The following SUSD6 variants were observed in gnomAD, a reference collection of about 807,000 sequenced individuals.
SUSD6 encodes the protein sushi domain-containing protein 6.
Under a neutral mutation model 28.4 loss-of-function variants are expected in SUSD6, and 16 were observed. The ratio of observed to expected loss-of-function variants is 0.56; its 90% CI spans 0.38 to 0.86. The LOEUF is 0.86. Among genes scored for constraint, SUSD6 ranks in the 40% least tolerant of loss-of-function variants. SUSD6 has a pLI of 0.00. For missense variants in SUSD6, 341 were observed against 384.2 expected, an observed-to-expected ratio of 0.89 and a Z score of 0.94; for synonymous variants, 147 against 159.6, an observed-to-expected ratio of 0.92 and a Z score of 0.59.
intron 2 of SUSD6, among the ~76,000 whole-genome samples, chr14:69,672,437 T>A (rs74060267): frequency 0.016 from 2,409 of 152,184 alleles, 71 homozygotes; most frequent in African/African-American, 0.055. Context: ...AAATGAAACT[T>A]GATAGGAGCT....
intron 2 of SUSD6, among the ~76,000 whole-genome samples, chr14:69,693,022 C>A (rs113145273): frequency 2.6e-4 from 40 of 152,324 alleles, no homozygotes; most frequent in African/African-American, 9.6e-4. Flanking sequence ...TTTTCTTAAG[C>A]CTTTAACTGC....
At position 69,677,689 on chromosome 14, in the gene SUSD6, C is replaced by T. The variant is rs1347564142; in HGVS notation, c.121+18976C>T. Among the ~76,000 whole-genome samples the T allele has an allele frequency of 3.9e-5, 6 of 152,034 alleles. No homozygotes were observed. The East Asian group carries it at 9.6e-4, about 24-fold the overall frequency. ...TGGTCAATCAGGGGGTGAGTAGAAACAGATCTGCCAGAGGATTTAGCAGTC... is the reference window on the plus strand; with the variant it reads ...TGGTCAATCAGGGGGTGAGTAGAAATAGATCTGCCAGAGGATTTAGCAGTC... On this transcript the variant is annotated intron_variant, in intron 2 of 5. Coordinates refer to ENST00000342745, the MANE Select transcript of SUSD6 (RefSeq NM_014734.4).
chr14:69,667,704 G>A (rs17107177), intron 2 of SUSD6, among the ~76,000 whole-genome samples: 7,092 of 151,980 alleles, frequency 0.047, 208 homozygotes, highest in East Asian at 0.15. Context: ...TCTGATTAGC[G>A]GCCCATGAAG....
intron 1 of SUSD6, among the ~76,000 whole-genome samples, chr14:69,639,954 C>CTTTTTT (rs1555343334): frequency 2.2e-5 from 1 of 45,610 alleles, no homozygotes; most frequent in African/African-American, 8.2e-5. Flanking sequence ...GGCACCTACA[C>CTTTTTT]TGTTTTTTTT....
chr14:69,654,256 G>C (rs577243575), intron 1 of SUSD6, among the ~76,000 whole-genome samples: 10 of 152,298 alleles, frequency 6.6e-5, no homozygotes, highest in Non-Finnish European at 1.5e-4. Flanking sequence ...TCATGATTTT[G>C]GCAGACCTTT....
intron 2 of SUSD6, among the ~76,000 whole-genome samples, chr14:69,678,283 A>AT (rs137899084): frequency 2.9e-3 from 431 of 150,970 alleles, no homozygotes; most frequent in African/African-American, 0.01. Flanking sequence ...ATAGCATTCC[A>AT]TTGTGTTAAT....
At chr14:69,710,865 A>G (rs1266655949) in intron 5 of SUSD6, 89 bp from the exon 6 acceptor site, 6 of 1,215,270 alleles carry the variant, frequency 4.9e-6, no homozygotes, top group African/African-American at 1.5e-5. Flanking sequence ...GGGGCTATGT[A>G]GGATAGCCCC....
chr14:69,634,952 A>C (rs1003878289), intron 1 of SUSD6, among the ~76,000 whole-genome samples: 4 of 152,208 alleles, frequency 2.6e-5, no homozygotes, highest in African/African-American at 9.7e-5. Flanking sequence ...TTCCCATTCT[A>C]TTCTCAGCTA....
intron 1 of SUSD6, among the ~76,000 whole-genome samples, chr14:69,613,406 C>T (rs1884911430): frequency 6.6e-6 from 1 of 152,230 alleles, no homozygotes; most frequent in Non-Finnish European, 1.5e-5. Context: ...CTAAAACCTT[C>T]TGAAAGCACT....
At chr14:69,672,869 C>G (rs1566600571) in intron 2 of SUSD6, among the ~76,000 whole-genome samples, 1 of 152,220 alleles carries the variant, frequency 6.6e-6, no homozygotes, top group Non-Finnish European at 1.5e-5. Flanking sequence ...GCTGGTCTCA[C>G]CAGCCTAGAG....
At chr14:69,678,278 A>G (rs1308687339) in intron 2 of SUSD6, among the ~76,000 whole-genome samples, 1 of 151,190 alleles carries the variant, frequency 6.6e-6, no homozygotes, top group African/African-American at 2.4e-5. Context: ...GCAGTATAGC[A>G]TTCCATTGTG....
intron 2 of SUSD6, among the ~76,000 whole-genome samples, chr14:69,674,806 C>CA (rs888941262): frequency 2.0e-5 from 3 of 152,232 alleles, no homozygotes; most frequent in African/African-American, 7.2e-5. Flanking sequence ...AGGGGCAAAA[C>CA]AAATTTTTCG....
rs1317808413 is a variant in SUSD6, at chr14:69,709,070, C to G, written c.852C>G (p.Ser284Arg). 6.2e-7 allele frequency: 1 copy of G among 1,609,982 alleles called. No homozygotes were observed. Among genetic ancestry groups the G allele is most frequent in the South Asian group, 1.1e-5 (1 of 90,498 alleles). The change falls in exon 5 of 6, where the codon AGC becomes AGG. Residue 284 changes from serine to arginine, a missense_variant. Ser to Arg is a moderately radical substitution (Grantham distance 110). Coordinates refer to ENST00000342745, the MANE Select transcript of SUSD6 (RefSeq NM_014734.4). ...ATTCAGAGAACAGTGACATACAAAG[C>G]CTTTTATCCCTCACGTCAGAGGAGT... is the stretch of plus-strand genomic sequence containing the variant. ...TADSENSDIQ[S>R]LLSLTSEEYT...
chr14:69,670,563 A>G (rs1048494546), intron 2 of SUSD6: 2 of 455,172 alleles, frequency 4.4e-6, no homozygotes, highest in African/African-American at 2.0e-5. Flanking sequence ...TGAAGAAGGC[A>G]GTGCCTTGGG....
chr14:69,668,985 A>G (rs1035297217), intron 2 of SUSD6, among the ~76,000 whole-genome samples: 8 of 151,726 alleles, frequency 5.3e-5, no homozygotes, highest in Non-Finnish European at 7.4e-5. Context: ...CAGCTTGCAG[A>G]ACCGTGAGCC....
rs771390080 is a variant in SUSD6, at chr14:69,709,078, C to T, written c.860C>T (p.Ser287Phe). ...SENSDIQSLL[S>F]LTSEEYTDDI... ...AACAGTGACATACAAAGCCTTTTAT[C>T]CCTCACGTCAGAGGAGTACACAGAT... is the stretch of plus-strand genomic sequence containing the variant. The change falls in exon 5 of 6, where the codon TCC becomes TTC. Residue 287 changes from serine (S) to phenylalanine (F), a missense_variant. Physicochemically the swap from Ser to Phe is radical, Grantham distance 155. Transcript: ENST00000342745. 51 of 1,607,028 alleles carry T rather than the reference C, an allele frequency of 3.2e-5. No homozygotes were observed. The highest frequency in any genetic ancestry group is 4.3e-5 in the Non-Finnish European group (51 of 1,176,580).
At chr14:69,613,673 G>C (rs1490156295) in intron 1 of SUSD6, among the ~76,000 whole-genome samples, 1 of 152,184 alleles carries the variant, frequency 6.6e-6, no homozygotes, top group African/African-American at 2.4e-5. Flanking sequence ...TTTCATTGCT[G>C]GCCATTTGCT....
intron 1 of SUSD6, among the ~76,000 whole-genome samples, chr14:69,642,651 C>G (rs148504073): frequency 7.5e-6 from 1 of 133,798 alleles, no homozygotes; most frequent in Non-Finnish European, 1.6e-5. Context: ...CCCCGCCCCC[C>G]GCCCCCCTGC....
At chr14:69,689,544 C>T (rs927593125) in intron 2 of SUSD6, among the ~76,000 whole-genome samples, 7 of 152,128 alleles carry the variant, frequency 4.6e-5, no homozygotes, top group Admixed American at 3.9e-4. Flanking sequence ...GTATTATTTG[C>T]CCTTGAATTT....
Sources: allele counts gnomAD v4.1 joint callset (sites outside exome capture counted in the v4.1 genomes callset), GRCh38; gene constraint gnomAD v4.1.1; transcripts MANE v1.5; gene names NCBI Gene and HGNC (gene_info 2026-07-23, HGNC 2026-07-21).